The following CERS1 variants were observed in gnomAD, a reference collection of about 807,000 sequenced individuals.
The protein encoded by CERS1 is Embryonic growth/differentiation factor 1.
CERS1 carries 16 observed loss-of-function variants against 35.7 expected under a neutral mutation model. The observed-to-expected ratio is 0.45, with a 90% CI of 0.30 to 0.68. The LOEUF (loss-of-function observed/expected upper bound fraction) is 0.68. Among genes scored for constraint, CERS1 ranks in the 30% least tolerant of loss-of-function variants. The probability of loss-of-function intolerance (pLI) is 0.08; values close to 1 mark genes in which losing one functional copy is unlikely to be tolerated. For synonymous variants in CERS1, 243 were observed against 201.6 expected, an observed-to-expected ratio of 1.21 and a Z score of -1.74; for missense variants, 454 against 453.9, an observed-to-expected ratio of 1.00 and a Z score of 0.00.
At chr19:18,871,919 A>T (rs1327096624) in intron 6 of CERS1, among the ~76,000 whole-genome samples, 1 of 152,182 alleles carries the variant, frequency 6.6e-6, no homozygotes, top group Non-Finnish European at 1.5e-5. Flanking sequence ...TGGCTCTGGG[A>T]TGACTCCAGG....
intron 6 of CERS1, among the ~76,000 whole-genome samples, chr19:18,874,884 C>T (rs1238611896): frequency 2.0e-5 from 3 of 152,174 alleles, no homozygotes; most frequent in African/African-American, 7.2e-5. Flanking sequence ...CTTCACGCCT[C>T]CTGAGTTACC....
intron 2 of CERS1, among the ~76,000 whole-genome samples, chr19:18,892,173 C>CA (rs2056506397): frequency 6.6e-6 from 1 of 151,882 alleles, no homozygotes. Context: ...GCTGGGATAA[C>CA]AGGCGTGAGC....
At chr19:18,888,722 C>T (rs1052920385) in intron 2 of CERS1, among the ~76,000 whole-genome samples, 18 of 151,036 alleles carry the variant, frequency 1.2e-4, no homozygotes, top group Non-Finnish European at 2.5e-4. Flanking sequence ...CCCAGCTACT[C>T]CGGAGGCTGA....
intron 7 of CERS1, 52 bp downstream of exon 7, chr19:18,869,931 C>T: frequency 1.3e-6 from 2 of 1,521,628 alleles, no homozygotes; most frequent in Non-Finnish European, 1.8e-6. Context: ...CGAGGCTCGC[C>T]CTGCGAGGTC....
intron 2 of CERS1, among the ~76,000 whole-genome samples, 162 bp downstream of exon 2, chr19:18,893,254 G>A (rs1030314776): frequency 3.3e-5 from 5 of 152,068 alleles, no homozygotes; most frequent in African/African-American, 9.7e-5. Context: ...TCACTCTGTC[G>A]TCCAGGCTGG....
At chr19:18,894,335 G>A (rs1475048129) in intron 1 of CERS1, among the ~76,000 whole-genome samples, 1 of 152,112 alleles carries the variant, frequency 6.6e-6, no homozygotes, top group Non-Finnish European at 1.5e-5. Flanking sequence ...CAGAGGCTGA[G>A]GGGGCCGGAG....
At chr19:18,885,957 G>A (rs1271171055) in intron 2 of CERS1, among the ~76,000 whole-genome samples, 2 of 152,072 alleles carry the variant, frequency 1.3e-5, no homozygotes, top group African/African-American at 2.4e-5. Context: ...AGGGTCTCCC[G>A]CCAAGCGGGT....
chr19:18,885,025 T>G (rs765286092), intron 2 of CERS1, among the ~76,000 whole-genome samples: 1 of 151,914 alleles, frequency 6.6e-6, no homozygotes, highest in Non-Finnish European at 1.5e-5. Context: ...CAGCAGGGAT[T>G]TTTATTTTAG....
chr19:18,888,894 T>C (rs1254187823), intron 2 of CERS1, among the ~76,000 whole-genome samples: 6 of 147,738 alleles, frequency 4.1e-5, no homozygotes, highest in Admixed American at 6.7e-5. Context: ...TCTTTCTTTT[T>C]TTTTTTTTTT....
chr19:18,880,175 G>T, intron 4 of CERS1, 99 bp downstream of exon 4: 1 of 1,295,418 alleles, frequency 7.7e-7, no homozygotes, highest in Non-Finnish European at 1.0e-6. Context: ...CACCTCACCG[G>T]GCCCCGCCTC....
chr19:18,875,595 C>A lies in CERS1; in HGVS notation c.1010+3335G>T, dbSNP rs375840057. On this transcript the variant is annotated intron_variant, in intron 6 of 7. Coordinates refer to ENST00000623882, the MANE Select transcript of CERS1 (RefSeq NM_021267.5). ...ATTCAACTGTTAAAACGGTAATCCA[C>A]CTGGAATCCTCTCTCTGCTGTGGAG... Among the ~76,000 whole-genome samples, 16 of 152,062 alleles carry A rather than the reference C, an allele frequency of 1.1e-4. No individual in the cohort carries two copies. The East Asian group carries it at 3.1e-3, about 29-fold the overall frequency.
chr19:18,886,915 C>G (rs1190890099), intron 2 of CERS1, among the ~76,000 whole-genome samples: 1 of 152,222 alleles, frequency 6.6e-6, no homozygotes, highest in Non-Finnish European at 1.5e-5. Context: ...ATCTCTCCAG[C>G]GATCCCTGGC....
intron 2 of CERS1, among the ~76,000 whole-genome samples, chr19:18,890,735 C>T (rs946336514): frequency 2.3e-4 from 33 of 145,214 alleles, no homozygotes; most frequent in Admixed American, 4.5e-4. Context: ...GAGCTGTGAT[C>T]GTGCCACTGT....
chr19:18,893,310 G>A, intron 2 of CERS1, 106 bp downstream of exon 2: 1 of 1,310,366 alleles, frequency 7.6e-7, no homozygotes. Flanking sequence ...CAACTCCTGG[G>A]CTCCAGTGAT....
chr19:18,873,828 G>A (rs10409787), intron 6 of CERS1, among the ~76,000 whole-genome samples: 28 of 149,408 alleles, frequency 1.9e-4, no homozygotes, highest in African/African-American at 5.7e-4. Context: ...GTGACAGAGC[G>A]AGACTCTGTC....
chr19:18,884,692 C>A (rs894188843), intron 2 of CERS1, among the ~76,000 whole-genome samples: 12 of 149,564 alleles, frequency 8.0e-5, no homozygotes, highest in African/African-American at 2.0e-4. Flanking sequence ...CAGGCGTGAG[C>A]CACCCCGCCC....
intron 4 of CERS1, among the ~76,000 whole-genome samples, chr19:18,879,805 C>T (rs1466641253): frequency 1.3e-5 from 2 of 150,184 alleles, no homozygotes; most frequent in African/African-American, 4.9e-5. Flanking sequence ...TGCCAGGCCC[C>T]GCCCACCTCA....
At chr19:18,893,709 C>T in intron 1 of CERS1, 134 bp from the exon 2 acceptor site, 5 of 870,538 alleles carry the variant, frequency 5.7e-6, no homozygotes, top group Non-Finnish European at 8.6e-6. Flanking sequence ...ATGCCCACAG[C>T]CACCTGGAGC....
chr19:18,890,945 G>A (rs994790011), intron 2 of CERS1, among the ~76,000 whole-genome samples: 3 of 151,994 alleles, frequency 2.0e-5, no homozygotes, highest in Non-Finnish European at 4.4e-5. Context: ...CCAACATGGT[G>A]AAACCTCGTC....
Sources: allele counts gnomAD v4.1 joint callset (sites outside exome capture counted in the v4.1 genomes callset), GRCh38; gene constraint gnomAD v4.1.1; transcripts MANE v1.5; gene names NCBI Gene and HGNC (gene_info 2026-07-23, HGNC 2026-07-21).